Variants in FCHSD2 observed in about 807,000 individuals in gnomAD.
The protein encoded by FCHSD2 is FCH and double SH3 domains 2, also known as F-BAR and double SH3 domains protein 2.
Under a neutral mutation model 108.1 loss-of-function variants are expected in FCHSD2, and 38 were observed. The ratio of observed to expected loss-of-function variants is 0.35; its 90% CI spans 0.27 to 0.46. The LOEUF (loss-of-function observed/expected upper bound fraction) is 0.46, where lower values mean the gene tolerates loss of function less well. FCHSD2 is among the 20% of genes least tolerant of loss of function. The probability of loss-of-function intolerance (pLI) is 1.00; values close to 1 mark genes in which losing one functional copy is unlikely to be tolerated. For synonymous variants in FCHSD2, 279 were observed against 314.7 expected, an observed-to-expected ratio of 0.89 and a Z score of 1.20; for missense variants, 751 against 897.8, an observed-to-expected ratio of 0.84 and a Z score of 2.09.
At chr11:73,107,938 G>A (rs892112171) in intron 2 of FCHSD2, among the ~76,000 whole-genome samples, 3 of 152,172 alleles carry the variant, frequency 2.0e-5, no homozygotes, top group Non-Finnish European at 4.4e-5. Context: ...ACCCAGCACT[G>A]TGATTGATGG....
chr11:72,838,867 GC>G lies in FCHSD2; in HGVS notation c.2146del (p.Ala716GlnfsTer54). ...TSYGKLRPVR[A>X]APPPPTQNHR... ...ATTCTGTGTAGGTGGAGGGGGAGCT[GC>G]CCGGACCTGAGCAGGAAACAATTAC... On this transcript the variant is annotated frameshift_variant, in exon 20 of 20. Transcript: ENST00000409418. LOFTEE classifies it high-confidence loss of function. 6.2e-7 allele frequency: 1 copy of G among 1,601,000 alleles called. No homozygotes were observed. The highest frequency in any genetic ancestry group is 8.5e-7 in the Non-Finnish European group (1 of 1,175,074).
At chr11:72,928,659 G>A (rs1856125941) in intron 8 of FCHSD2, among the ~76,000 whole-genome samples, 1 of 152,124 alleles carries the variant, frequency 6.6e-6, no homozygotes, top group African/African-American at 2.4e-5. Flanking sequence ...TGCCAATCAT[G>A]GATTGAATCT....
At chr11:72,841,279 C>T (rs772752797) in intron 18 of FCHSD2, among the ~76,000 whole-genome samples, 175 bp downstream of exon 18, 2 of 137,258 alleles carry the variant, frequency 1.5e-5, no homozygotes, top group Non-Finnish European at 3.0e-5. Flanking sequence ...TGCTATGAGC[C>T]GTGATCATGC....
intron 8 of FCHSD2, among the ~76,000 whole-genome samples, chr11:72,961,405 TTTGTTGTTGTTGTTGTTG>T (rs145240576): frequency 6.6e-6 from 1 of 151,018 alleles, no homozygotes; most frequent in Non-Finnish European, 1.5e-5. Context: ...TAAGAAGTTT[TTTGTTGTTGTTGTTGTTG>T]TTGTTGTTGT....
intron 8 of FCHSD2, among the ~76,000 whole-genome samples, chr11:72,923,963 T>C (rs1030213466): frequency 4.0e-5 from 6 of 151,866 alleles, no homozygotes; most frequent in African/African-American, 9.7e-5. Flanking sequence ...ATAAATAAAG[T>C]TGTCTTTTTG....
chr11:72,942,033 A>C (rs1856429745), intron 8 of FCHSD2, among the ~76,000 whole-genome samples: 1 of 152,326 alleles, frequency 6.6e-6, no homozygotes, highest in South Asian at 2.1e-4. Context: ...ATACAGTTTG[A>C]ATGTTTTGTC....
intron 3 of FCHSD2, among the ~76,000 whole-genome samples, chr11:73,033,011 G>A (rs570661186): frequency 9.9e-5 from 15 of 152,144 alleles, no homozygotes; most frequent in East Asian, 3.9e-4. Flanking sequence ...TAGATTGGCC[G>A]GGTGCGGTGG....
At chr11:72,921,530 ACT>A (rs1222360932) in intron 9 of FCHSD2, among the ~76,000 whole-genome samples, 2 of 152,104 alleles carry the variant, frequency 1.3e-5, no homozygotes, top group East Asian at 1.9e-4. Context: ...GTGCATTTAA[ACT>A]CTGAGTAGAA....
At chr11:73,020,534 C>T (rs1478630015) in intron 3 of FCHSD2, among the ~76,000 whole-genome samples, 1 of 152,092 alleles carries the variant, frequency 6.6e-6, no homozygotes, top group Non-Finnish European at 1.5e-5. Context: ...ATTTCTTAAA[C>T]TAATGCAAAT....
At chr11:72,908,819 T>C (rs1197434198) in intron 9 of FCHSD2, among the ~76,000 whole-genome samples, 2 of 152,000 alleles carry the variant, frequency 1.3e-5, no homozygotes, top group African/African-American at 2.4e-5. Context: ...TGCCCCGCTA[T>C]AGTTTTGTAC....
chr11:73,070,202 C>T (rs1321336760), intron 3 of FCHSD2, among the ~76,000 whole-genome samples: 1 of 152,166 alleles, frequency 6.6e-6, no homozygotes, highest in African/African-American at 2.4e-5. Context: ...ATCTCCAGAA[C>T]AATATCCCTA....
intron 2 of FCHSD2, among the ~76,000 whole-genome samples, chr11:73,102,374 G>A (rs548777974): frequency 1.3e-5 from 2 of 152,248 alleles, no homozygotes; most frequent in African/African-American, 4.8e-5. Flanking sequence ...ACACTCCTAA[G>A]TACTTATCCA....
chr11:73,122,246 G>T (rs939895407), intron 2 of FCHSD2, among the ~76,000 whole-genome samples: 1 of 151,012 alleles, frequency 6.6e-6, no homozygotes. Context: ...TTTCATCAAA[G>T]AAAAATAATG....
chr11:73,028,978 TCA>T (rs1858295635), intron 3 of FCHSD2, among the ~76,000 whole-genome samples: 3 of 152,098 alleles, frequency 2.0e-5, no homozygotes, highest in Non-Finnish European at 4.4e-5. Context: ...TTACCCAGTC[TCA>T]GGTAGTTCTT....
chr11:72,842,384 C>G (rs1266705846), intron 17 of FCHSD2, among the ~76,000 whole-genome samples: 1 of 152,172 alleles, frequency 6.6e-6, no homozygotes, highest in Non-Finnish European at 1.5e-5. Flanking sequence ...TTTTGGTTAA[C>G]CAATTCAAGG....
At chr11:72,959,532 G>A (rs953248249) in intron 8 of FCHSD2, among the ~76,000 whole-genome samples, 1 of 151,968 alleles carries the variant, frequency 6.6e-6, no homozygotes, top group Non-Finnish European at 1.5e-5. Flanking sequence ...ACCACGCCTG[G>A]CCCCACAGTC....
intron 8 of FCHSD2, among the ~76,000 whole-genome samples, chr11:72,931,338 C>T (rs1856187864): frequency 6.7e-6 from 1 of 148,166 alleles, no homozygotes; most frequent in Non-Finnish European, 1.5e-5. Flanking sequence ...AGCTCCTGAC[C>T]TCAAGTGATC....
intron 8 of FCHSD2, among the ~76,000 whole-genome samples, chr11:72,929,205 C>A (rs1295310951): frequency 2.6e-5 from 4 of 152,164 alleles, no homozygotes; most frequent in African/African-American, 9.7e-5. Context: ...GTCTTTATAG[C>A]AGCATGATTT....
At chr11:73,077,097 CAAA>C (rs372641793) in intron 3 of FCHSD2, among the ~76,000 whole-genome samples, 1 of 72,482 alleles carries the variant, frequency 1.4e-5, no homozygotes, top group African/African-American at 6.4e-5. Context: ...GACTCTGTCT[CAAA>C]AAAAAAAAAA....
Sources: allele counts gnomAD v4.1 joint callset (sites outside exome capture counted in the v4.1 genomes callset), GRCh38; gene constraint gnomAD v4.1.1; transcripts MANE v1.5; gene names NCBI Gene and HGNC (gene_info 2026-07-23, HGNC 2026-07-21).